COMMD10: variants seen among roughly 807,000 people sequenced by gnomAD.
The protein encoded by COMMD10 is COMM domain-containing protein 10.
Under a neutral mutation model 28.9 loss-of-function variants are expected in COMMD10, and 33 were observed. That is an observed-to-expected ratio of 1.14 (90% CI 0.87 to 1.53). The LOEUF is 1.53. Among genes scored for constraint, COMMD10 ranks in the 40% most tolerant of loss-of-function variants. COMMD10 has a pLI of 0.00. For synonymous variants in COMMD10, 110 were observed against 81.7 expected (o/e 1.35, Z -1.87); for missense variants, 310 against 233.4 (o/e 1.33, Z -2.14).
At chr5:116,176,317 C>G (rs1753509643) in intron 5 of COMMD10, among the ~76,000 whole-genome samples, 1 of 152,124 alleles carries the variant, frequency 6.6e-6, no homozygotes. Context: ...GTTTGCCAGG[C>G]TGACTAGGCT....
chr5:116,143,934 A>G (rs890999838), intron 5 of COMMD10, among the ~76,000 whole-genome samples: 1 of 151,730 alleles, frequency 6.6e-6, no homozygotes, highest in Non-Finnish European at 1.5e-5. Flanking sequence ...TGACTAGTAC[A>G]AAGGAGGAAG....
intron 4 of COMMD10, among the ~76,000 whole-genome samples, chr5:116,111,724 T>A (rs1002944211): frequency 6.6e-6 from 1 of 152,178 alleles, no homozygotes; most frequent in African/African-American, 2.4e-5. Context: ...ATCCCATGTG[T>A]TGATGAGAAG....
intron 5 of COMMD10, among the ~76,000 whole-genome samples, chr5:116,144,381 A>G (rs143167280): frequency 5.9e-5 from 9 of 151,970 alleles, no homozygotes; most frequent in African/African-American, 2.2e-4. Flanking sequence ...TCTCACAGCC[A>G]TGAAGTAGGT....
intron 5 of COMMD10, among the ~76,000 whole-genome samples, chr5:116,197,113 G>A (rs1580540655): frequency 6.6e-6 from 1 of 151,928 alleles, no homozygotes; most frequent in South Asian, 2.1e-4. Flanking sequence ...AACCCTTTTG[G>A]CATTTTTTAA....
chr5:116,090,162 G>T (rs75036182), intron 2 of COMMD10, among the ~76,000 whole-genome samples: 3,566 of 152,222 alleles, frequency 0.023, 130 homozygotes, highest in African/African-American at 0.08. Context: ...AGACAACTTA[G>T]GTATAGAATG....
At chr5:116,263,155 T>C (rs1302937198) in intron 5 of COMMD10, among the ~76,000 whole-genome samples, 1 of 151,834 alleles carries the variant, frequency 6.6e-6, no homozygotes, top group South Asian at 2.1e-4. Flanking sequence ...AAATGAATAG[T>C]TTATATTTTT....
At chr5:116,292,405 C>A in intron 6 of COMMD10, 46 bp from the exon 7 acceptor site, 1 of 1,360,688 alleles carries the variant, frequency 7.3e-7, no homozygotes, top group Non-Finnish European at 9.9e-7. Flanking sequence ...ATATGAGTTT[C>A]GTTCCCTTCA....
At chr5:116,291,694 C>A in intron 6 of COMMD10, 118 bp downstream of exon 6, 1 of 561,070 alleles carries the variant, frequency 1.8e-6, no homozygotes, top group Non-Finnish European at 3.1e-6. Flanking sequence ...TTAAACTTCC[C>A]TTATAAAAGA....
chr5:116,272,733 GATCTGGGTGTTGTAAGAGTTT>G (rs1750793102), intron 5 of COMMD10, among the ~76,000 whole-genome samples: 2 of 151,938 alleles, frequency 1.3e-5, no homozygotes, highest in Admixed American at 1.3e-4. Context: ...GTCTGCAGTT[GATCTGGGTGTTGTAAGAGTTT>G]TGGCATCCAT....
At chr5:116,212,200 A>G (rs1266489901) in intron 5 of COMMD10, among the ~76,000 whole-genome samples, 9 of 152,178 alleles carry the variant, frequency 5.9e-5, no homozygotes, top group Non-Finnish European at 8.8e-5. Flanking sequence ...AAATAATACC[A>G]TAGAAATAAC....
chr5:116,127,382 T>C (rs1257662133), intron 4 of COMMD10, among the ~76,000 whole-genome samples: 1 of 152,102 alleles, frequency 6.6e-6, no homozygotes, highest in African/African-American at 2.4e-5. Flanking sequence ...TCCTCAAAGA[T>C]CTAGAACTAG....
In COMMD10 at chr5:116,284,272, A is replaced by G. The variant is rs746717676; in HGVS notation, c.511-7245A>G. On this transcript the variant is annotated intron_variant, in intron 5 of 6. Transcript: ENST00000274458. ...TGGAGATGTAATGTCATTAACTTTT[A>G]TGCTAAAGACAGCTATTTTTAAAAA... Among the ~76,000 whole-genome samples, 4 of 151,930 alleles carry G rather than the reference A, an allele frequency of 2.6e-5. 1 individual carries two copies. The highest frequency in any genetic ancestry group is 9.7e-5 in the African/African-American group (4 of 41,218).
chr5:116,228,712 C>T (rs1435960676), intron 5 of COMMD10, among the ~76,000 whole-genome samples: 1 of 151,910 alleles, frequency 6.6e-6, no homozygotes, highest in East Asian at 1.9e-4. Context: ...GGATTCTGAT[C>T]CTTTTCCTTT....
intron 5 of COMMD10, among the ~76,000 whole-genome samples, chr5:116,202,393 A>G (rs879549081): frequency 3.3e-5 from 5 of 151,986 alleles, no homozygotes; most frequent in African/African-American, 9.7e-5. Context: ...TCCTTTGGGT[A>G]TATACCCAGT....
chr5:116,236,535 G>A (rs1156572844), intron 5 of COMMD10, among the ~76,000 whole-genome samples: 3 of 149,228 alleles, frequency 2.0e-5, no homozygotes, highest in African/African-American at 7.4e-5. Context: ...GAAGTGATCC[G>A]TTGGGCCGTG....
chr5:116,152,674 C>T (rs1406046568), intron 5 of COMMD10, among the ~76,000 whole-genome samples: 1 of 152,044 alleles, frequency 6.6e-6, no homozygotes, highest in African/African-American at 2.4e-5. Context: ...CTAGTTACAG[C>T]ATGGTCTTTT....
At chr5:116,190,320 A>T (rs555489899) in intron 5 of COMMD10, among the ~76,000 whole-genome samples, 2 of 152,316 alleles carry the variant, frequency 1.3e-5, no homozygotes, top group East Asian at 1.9e-4. Flanking sequence ...CAGCTAAAAT[A>T]TATGATTAAT....
At chr5:116,239,455 G>A (rs560393303) in intron 5 of COMMD10, among the ~76,000 whole-genome samples, 1 of 152,118 alleles carries the variant, frequency 6.6e-6, no homozygotes, top group East Asian at 1.9e-4. Context: ...CATGATTCTG[G>A]AGCTAAAAGC....
At chr5:116,172,160 G>A (rs765769449) in intron 5 of COMMD10, among the ~76,000 whole-genome samples, 23 of 152,064 alleles carry the variant, frequency 1.5e-4, no homozygotes, top group Non-Finnish European at 2.5e-4. Context: ...TGTGTAGAAT[G>A]TTAAGGAAAC....
Sources: allele counts gnomAD v4.1 joint callset (sites outside exome capture counted in the v4.1 genomes callset), GRCh38; gene constraint gnomAD v4.1.1; transcripts MANE v1.5; gene names NCBI Gene and HGNC (gene_info 2026-07-23, HGNC 2026-07-21).